The following NBAS variants were observed in gnomAD, a reference collection of about 807,000 sequenced individuals.
NBAS encodes the protein NAG/BC035112 fusion.
A neutral mutation model predicts 302.5 loss-of-function variants in NBAS; 219 were observed. That is an observed-to-expected ratio of 0.72 (90% CI 0.65 to 0.81). The LOEUF is 0.81. Ranked by LOEUF, NBAS falls within the 30% of genes least tolerant of loss-of-function variation. NBAS has a pLI of 0.00. For synonymous variants in NBAS, 1,118 were observed against 1,021.6 expected, an observed-to-expected ratio of 1.09 and a Z score of -1.80; for missense variants, 2,932 against 2,841.6, an observed-to-expected ratio of 1.03 and a Z score of -0.72.
chr2:15,404,348 G>GT (rs938357694), intron 25 of NBAS, among the ~76,000 whole-genome samples: 1 of 151,990 alleles, frequency 6.6e-6, no homozygotes, highest in Non-Finnish European at 1.5e-5. Flanking sequence ...CTCATATATG[G>GT]TAAGAAAACA....
Position 15,478,250 on chromosome 2 carries a change from TAG to T in NBAS, c.1121_1122del (p.Ser374TyrfsTer2). On this transcript the variant is annotated frameshift_variant, in exon 13 of 52. Coordinates refer to ENST00000281513, the MANE Select transcript of NBAS (RefSeq NM_015909.4). LOFTEE classifies it high-confidence loss of function. ...YDDLNPDWRL[S>X]TEKRKKIKDK... is the part of the protein sequence containing the mutation. ...CCTTTGATTTTTTTTCTCTTCTCAG[TAG>T]AGAGCCTCCAATCAGGATTAAGGTC... is the stretch of plus-strand genomic sequence containing the variant. The T allele has an allele frequency of 1.9e-6, 3 of 1,610,990 alleles. No homozygotes were observed. Among genetic ancestry groups the T allele is most frequent in the Non-Finnish European group, 2.5e-6 (3 of 1,177,342 alleles).
chr2:15,307,497 C>G (rs1165716948), intron 40 of NBAS, among the ~76,000 whole-genome samples: 2 of 152,132 alleles, frequency 1.3e-5, no homozygotes, highest in Non-Finnish European at 2.9e-5. Context: ...TTTATGTACA[C>G]AGTGGATTTT....
At chr2:15,234,867 C>A in intron 45 of NBAS, 120 bp from the exon 46 acceptor site, 1 of 997,906 alleles carries the variant, frequency 1.0e-6, no homozygotes, top group Non-Finnish European at 1.5e-6. Context: ...AACACCATAC[C>A]AAAGGGCATG....
chr2:15,037,096 G>A, the NBAS span, among the ~76,000 whole-genome samples: 2 of 152,094 alleles, frequency 1.3e-5, no homozygotes, highest in African/African-American at 2.4e-5. Flanking sequence ...AGATTCACAC[G>A]GTAAAGGCTA....
At chr2:14,868,430 T>C in the NBAS span, among the ~76,000 whole-genome samples, 324 of 152,334 alleles carry the variant, frequency 2.1e-3, 2 homozygotes, top group South Asian at 0.015. Context: ...CTACATGTGG[T>C]TTACCAATAT....
chr2:15,438,051 G>C (rs1285912442), intron 21 of NBAS, among the ~76,000 whole-genome samples: 1 of 152,198 alleles, frequency 6.6e-6, no homozygotes, highest in Non-Finnish European at 1.5e-5. Context: ...TTTGGAAAAA[G>C]AACATCTCTG....
At chr2:15,239,741 A>AT (rs974731470) in intron 44 of NBAS, among the ~76,000 whole-genome samples, 8 of 150,842 alleles carry the variant, frequency 5.3e-5, no homozygotes, top group Non-Finnish European at 8.9e-5. Context: ...ATTATGAGCT[A>AT]TTTTTTTTTC....
the NBAS span, among the ~76,000 whole-genome samples, chr2:14,903,320 A>G: frequency 6.8e-6 from 1 of 146,018 alleles, no homozygotes; most frequent in African/African-American, 2.5e-5. Context: ...TTGTGAAATA[A>G]GCTTTGCAAA....
chr2:14,873,069 G>A, the NBAS span, among the ~76,000 whole-genome samples: 2 of 152,236 alleles, frequency 1.3e-5, no homozygotes, highest in South Asian at 2.1e-4. Flanking sequence ...GCTAGCTCGG[G>A]TGGACTGCGT....
At chr2:15,012,062 CA>C in the NBAS span, among the ~76,000 whole-genome samples, 1 of 152,098 alleles carries the variant, frequency 6.6e-6, no homozygotes, top group East Asian at 1.9e-4. Flanking sequence ...TCTCCTGTAA[CA>C]GACCCCAATC....
chr2:15,110,566 A>G, the NBAS span, among the ~76,000 whole-genome samples: 1 of 152,164 alleles, frequency 6.6e-6, no homozygotes, highest in African/African-American at 2.4e-5. Flanking sequence ...AGAGGCTGAA[A>G]AGAGGCATTA....
At chr2:15,040,840 G>A in the NBAS span, among the ~76,000 whole-genome samples, 6 of 152,268 alleles carry the variant, frequency 3.9e-5, no homozygotes, top group Non-Finnish European at 8.8e-5. Flanking sequence ...TTAATCCAAA[G>A]GCCCCATCGT....
chr2:14,852,884 A>G, the NBAS span, among the ~76,000 whole-genome samples: 1 of 129,342 alleles, frequency 7.7e-6, no homozygotes, highest in Non-Finnish European at 1.6e-5. Context: ...GAAAGCTGAA[A>G]CTGGATCCCT....
At chr2:14,936,569 A>C in the NBAS span, among the ~76,000 whole-genome samples, 1 of 152,222 alleles carries the variant, frequency 6.6e-6, no homozygotes, top group Non-Finnish European at 1.5e-5. Flanking sequence ...AAGCTCATCT[A>C]ATCTCAAAGG....
At position 15,415,132 on chromosome 2, in the gene NBAS, C is replaced by T. The variant is rs115379094; in HGVS notation, c.2937+414G>A. ...AATCCTGGTTTCTCTACTTACTGTG[C>T]AACCCTGGGCAATTACCCTATTCAC... is the stretch of plus-strand genomic sequence containing the variant. On this transcript the variant is annotated intron_variant, in intron 25 of 51. Coordinates refer to ENST00000281513, the MANE Select transcript of NBAS (RefSeq NM_015909.4). Among the ~76,000 whole-genome samples the T allele has an allele frequency of 6.7e-3, 1,027 of 152,250 alleles. 12 individuals carry two copies. Among genetic ancestry groups the T allele is most frequent in the African/African-American group, 0.022 (927 of 41,542 alleles).
intron 21 of NBAS, among the ~76,000 whole-genome samples, chr2:15,447,349 G>A (rs1002131057): frequency 6.6e-6 from 1 of 152,208 alleles, no homozygotes; most frequent in Non-Finnish European, 1.5e-5. Context: ...TGACTTGATG[G>A]ATATGAGAAT....
chr2:15,078,603 T>A, the NBAS span, among the ~76,000 whole-genome samples: 1 of 152,212 alleles, frequency 6.6e-6, no homozygotes. Flanking sequence ...CACTGTCTTC[T>A]GGGGAAAAGG....
the NBAS span, among the ~76,000 whole-genome samples, chr2:15,120,191 A>G: frequency 6.6e-6 from 1 of 152,234 alleles, no homozygotes; most frequent in East Asian, 1.9e-4. Flanking sequence ...ATAGGAAAGC[A>G]CGGCAGCTTA....
chr2:15,268,569 T>C (rs987342804), intron 44 of NBAS, among the ~76,000 whole-genome samples: 3 of 152,244 alleles, frequency 2.0e-5, no homozygotes, highest in African/African-American at 4.8e-5. Flanking sequence ...GCACACATGA[T>C]AGTTCTGCTG....
Sources: gnomAD v4.1 joint callset for allele counts (sites outside exome capture counted in the v4.1 genomes callset) on GRCh38, gnomAD v4.1.1 for gene constraint, MANE v1.5 for transcripts, NCBI Gene and HGNC (gene_info 2026-07-23, HGNC 2026-07-21) for gene names.